CNTLN: variants seen among roughly 807,000 people sequenced by gnomAD.
CNTLN encodes the protein centlein, centrosomal protein.
Under a neutral mutation model 180.0 loss-of-function variants are expected in CNTLN, and 212 were observed. That is an observed-to-expected ratio of 1.18 (90% CI 1.05 to 1.32). The LOEUF (loss-of-function observed/expected upper bound fraction) is 1.32, where lower values mean the gene tolerates loss of function less well. CNTLN is among the 40% of genes most tolerant of loss of function. The pLI is 0.00. For missense variants in CNTLN, 2,095 were observed against 1,610.9 expected, an observed-to-expected ratio of 1.30 and a Z score of -5.14; for synonymous variants, 722 against 563.1, an observed-to-expected ratio of 1.28 and a Z score of -3.99.
At chr9:17,197,590 T>C (rs1288684586) in intron 2 of CNTLN, among the ~76,000 whole-genome samples, 3 of 152,194 alleles carry the variant, frequency 2.0e-5, no homozygotes, top group Non-Finnish European at 4.4e-5. Context: ...GATTATTACA[T>C]TTTTTCCTAT....
rs143956828 is a variant in CNTLN at position 17,268,880 on chromosome 9, C to T, written c.850-4853C>T. 1.6e-3 allele frequency among the ~76,000 whole-genome samples: 240 copies of T among 151,886 alleles called. 1 individual carries two copies. The highest frequency in any genetic ancestry group is 5.5e-3 in the African/African-American group (229 of 41,424). On this transcript the variant is annotated intron_variant, in intron 5 of 25. Coordinates refer to ENST00000380647, the MANE Select transcript of CNTLN (RefSeq NM_017738.4). ...AATCTGGTGTGCCGTTTTTTAATCC[C>T]GTCAGAAAAGTGCAGTATTAGGGTG... is the stretch of plus-strand genomic sequence containing the variant.
intron 5 of CNTLN, among the ~76,000 whole-genome samples, chr9:17,264,532 C>G (rs58788899): frequency 1.4e-5 from 2 of 146,776 alleles, no homozygotes; most frequent in East Asian, 2.2e-4. Flanking sequence ...TGTGGGCTCT[C>G]TTTTGGTTCC....
chr9:17,156,184 A>C (rs1401459170), intron 2 of CNTLN, among the ~76,000 whole-genome samples: 1 of 152,158 alleles, frequency 6.6e-6, no homozygotes, highest in African/African-American at 2.4e-5. Context: ...GGCCATCTTG[A>C]ATCTCAGTAG....
intron 15 of CNTLN, among the ~76,000 whole-genome samples, chr9:17,406,447 T>A (rs560426263): frequency 5.1e-4 from 78 of 151,738 alleles, no homozygotes; most frequent in Non-Finnish European, 1.0e-3. Context: ...TAGTTTGATG[T>A]CTTCTGCCTG....
At chr9:17,440,369 C>T (rs1461608430) in intron 18 of CNTLN, among the ~76,000 whole-genome samples, 2 of 146,562 alleles carry the variant, frequency 1.4e-5, no homozygotes, top group African/African-American at 2.5e-5. Flanking sequence ...GTCAGGAGAT[C>T]GAGACCATCC....
chr9:17,300,635 C>G (rs1301636949), intron 7 of CNTLN: 1 of 152,126 alleles, frequency 6.6e-6, no homozygotes, highest in Non-Finnish European at 1.5e-5. Flanking sequence ...ATATTATTGC[C>G]AAAACTTTGT....
At chr9:17,400,659 G>C (rs1003709153) in intron 15 of CNTLN, among the ~76,000 whole-genome samples, 2 of 152,104 alleles carry the variant, frequency 1.3e-5, no homozygotes, top group Non-Finnish European at 1.5e-5. Context: ...CATTAAAATA[G>C]CACCTAAAAC....
chr9:17,287,284 G>A (rs1010534730), intron 6 of CNTLN, among the ~76,000 whole-genome samples: 21 of 150,444 alleles, frequency 1.4e-4, no homozygotes, highest in Non-Finnish European at 3.1e-4. Context: ...TTTGTCTTTG[G>A]CTCTGTTTAT....
intron 9 of CNTLN, among the ~76,000 whole-genome samples, chr9:17,331,164 T>C (rs1446145597): frequency 6.6e-6 from 1 of 151,892 alleles, no homozygotes; most frequent in Non-Finnish European, 1.5e-5. Context: ...ACTTTTCTAA[T>C]TTGAATTAAA....
intron 7 of CNTLN, among the ~76,000 whole-genome samples, chr9:17,307,971 ACCAC>A (rs1415641313): frequency 3.9e-5 from 4 of 101,528 alleles, no homozygotes; most frequent in Non-Finnish European, 5.8e-5. Flanking sequence ...AGCCTTTAAA[ACCAC>A]ACACACACAC....
At chr9:17,228,473 A>G (rs1022821385) in intron 3 of CNTLN, among the ~76,000 whole-genome samples, 1 of 152,116 alleles carries the variant, frequency 6.6e-6, no homozygotes, top group Admixed American at 6.6e-5. Flanking sequence ...CAACAAGATA[A>G]TGTATTAAAT....
chr9:17,281,453 C>G (rs1334514481), intron 6 of CNTLN, among the ~76,000 whole-genome samples: 1 of 152,016 alleles, frequency 6.6e-6, no homozygotes, highest in Non-Finnish European at 1.5e-5. Flanking sequence ...GCACACCACC[C>G]TCCCCACTGA....
chr9:17,416,985 A>G (rs2133892780), intron 18 of CNTLN, among the ~76,000 whole-genome samples: 1 of 152,296 alleles, frequency 6.6e-6, no homozygotes, highest in Middle Eastern at 3.4e-3. Context: ...GATTCAAACA[A>G]TACATATAAA....
At chr9:17,230,416 T>TG (rs1034417527) in intron 3 of CNTLN, among the ~76,000 whole-genome samples, 6 of 118,264 alleles carry the variant, frequency 5.1e-5, no homozygotes, top group African/African-American at 2.3e-4. Context: ...GGAAGCGGTC[T>TG]GTAGTGTTAT....
chr9:17,148,378 T>C (rs1235916628), intron 2 of CNTLN, among the ~76,000 whole-genome samples: 1 of 152,236 alleles, frequency 6.6e-6, no homozygotes, highest in Non-Finnish European at 1.5e-5. Context: ...AAGCCTCTGG[T>C]CACAACAATT....
intron 5 of CNTLN, among the ~76,000 whole-genome samples, chr9:17,264,840 TTGTC>T (rs1453365027): frequency 6.6e-6 from 1 of 151,734 alleles, no homozygotes; most frequent in Non-Finnish European, 1.5e-5. Context: ...GGCTCTCTGT[TTGTC>T]TGTTGTTGGT....
rs150404633 is a variant in CNTLN at position 17,152,348 on chromosome 9, G to A, written c.449+8972G>A. ...TGCTTTAGCTGTGTCCCAGAGATTC[G>A]GGTATGTTGTCTCTTTGTTCTCATT... On this transcript the variant is annotated intron_variant, in intron 2 of 25. Transcript: ENST00000380647. Among the ~76,000 whole-genome samples the A allele has an allele frequency of 1.7e-3, 261 of 152,074 alleles. 1 individual carries two copies. Among genetic ancestry groups the A allele is most frequent in the African/African-American group, 5.6e-3 (234 of 41,502 alleles).
At chr9:17,430,702 C>T (rs771505000) in intron 18 of CNTLN, among the ~76,000 whole-genome samples, 38 of 152,066 alleles carry the variant, frequency 2.5e-4, no homozygotes, top group Admixed American at 7.9e-4. Context: ...TTCACCCCGA[C>T]GCCTGCCACC....
chr9:17,325,399 T>C (rs1338028320), intron 8 of CNTLN, among the ~76,000 whole-genome samples: 1 of 151,082 alleles, frequency 6.6e-6, no homozygotes, highest in Non-Finnish European at 1.5e-5. Flanking sequence ...TGTGTGTGTG[T>C]GTGTGTGTGT....
Sources: allele counts gnomAD v4.1 joint callset (sites outside exome capture counted in the v4.1 genomes callset), GRCh38; gene constraint gnomAD v4.1.1; transcripts MANE v1.5; gene names NCBI Gene and HGNC (gene_info 2026-07-23, HGNC 2026-07-21).